Variants in ITGA11 observed in about 807,000 individuals in gnomAD.
ITGA11 encodes the protein integrin subunit alpha 11.
A neutral mutation model predicts 141.9 loss-of-function variants in ITGA11; 97 were observed. The ratio of observed to expected loss-of-function variants is 0.68; its 90% CI spans 0.58 to 0.81. The LOEUF is 0.81. Ranked by LOEUF, ITGA11 falls within the 30% of genes least tolerant of loss-of-function variation. The pLI is 0.00. For missense variants in ITGA11, 1,387 were observed against 1,559.2 expected (o/e 0.89, Z 1.86); for synonymous variants, 658 against 624.6 (o/e 1.05, Z -0.80).
chr15:68,335,583 T>C lies in ITGA11; in HGVS notation c.1425+114A>G. On this transcript the variant is annotated intron_variant, in intron 12 of 29. Coordinates refer to ENST00000315757, the MANE Select transcript of ITGA11 (RefSeq NM_001004439.2). This position sits in a 1 kb window ranked among gnomAD's most constrained non-coding sequence, Gnocchi z 4.9. ...CAGCATGAAGGTGGCTGGAGGAACATGACTGCCCTTTGGGGCACCCAGTGG... is the reference window on the plus strand; with the variant it reads ...CAGCATGAAGGTGGCTGGAGGAACACGACTGCCCTTTGGGGCACCCAGTGG... 1 of 1,231,104 alleles carries C rather than the reference T, an allele frequency of 8.1e-7. No homozygotes were observed. Among genetic ancestry groups the C allele is most frequent in the Non-Finnish European group, 1.1e-6 (1 of 871,684 alleles). The allele number at this position is 1,231,104 out of a possible 1,614,324, so 76.3% of individuals were successfully genotyped here.
chr15:68,386,936 C>T (rs1895998918), intron 2 of ITGA11, among the ~76,000 whole-genome samples: 1 of 150,370 alleles, frequency 6.7e-6, no homozygotes. Context: ...AGCCTCCCTT[C>T]GCCTTGGCCG....
At chr15:68,327,767 G>A (rs1409609684) in intron 16 of ITGA11, among the ~76,000 whole-genome samples, 1 of 57,008 alleles carries the variant, frequency 1.8e-5, no homozygotes, top group Admixed American at 2.2e-4. Context: ...TCTGCATCCA[G>A]GCAGACTTCT....
In ITGA11 at chr15:68,335,867, T is replaced by A. The variant is rs765695418; in HGVS notation, c.1277-22A>T. On this transcript the variant is annotated intron_variant, in intron 11 of 29. Coordinates refer to ENST00000315757, the MANE Select transcript of ITGA11 (RefSeq NM_001004439.2). This position sits in a 1 kb window ranked among gnomAD's most constrained non-coding sequence, Gnocchi z 4.9. ...TACCCTGCCACAGGAGGAAACAGGC[T>A]GATCTTTGGCACCGTGTCCTCAGCA... is the stretch of plus-strand genomic sequence containing the variant. 5.0e-6 allele frequency: 8 copies of A among 1,608,642 alleles called. No individual in the cohort carries two copies. The Middle Eastern group carries it at 4.9e-4, about 99-fold the overall frequency.
At chr15:68,404,048 A>G (rs1595893669) in intron 1 of ITGA11, among the ~76,000 whole-genome samples, 1 of 151,964 alleles carries the variant, frequency 6.6e-6, no homozygotes, top group Admixed American at 6.5e-5. Context: ...CTCCTTCTCC[A>G]TCACTCCTTC....
At chr15:68,346,267 C>T (rs1311304767) in intron 10 of ITGA11, among the ~76,000 whole-genome samples, 1 of 152,182 alleles carries the variant, frequency 6.6e-6, no homozygotes, top group African/African-American at 2.4e-5. Context: ...TCCTGGGTCT[C>T]CTCACTCTGG....
At chr15:68,368,827 A>G (rs1407460051) in intron 3 of ITGA11, among the ~76,000 whole-genome samples, 1 of 147,132 alleles carries the variant, frequency 6.8e-6, no homozygotes, top group African/African-American at 2.5e-5. Context: ...TATTGTTGTT[A>G]TTATTTCAAA....
At chr15:68,406,667 G>T (rs186424671) in intron 1 of ITGA11, among the ~76,000 whole-genome samples, 31 of 152,232 alleles carry the variant, frequency 2.0e-4, no homozygotes, top group Non-Finnish European at 4.3e-4. Context: ...AGTGCCACGG[G>T]ACTCTGCTGT....
intron 1 of ITGA11, among the ~76,000 whole-genome samples, chr15:68,429,462 CT>C (rs754945006): frequency 2.0e-5 from 3 of 151,700 alleles, no homozygotes; most frequent in South Asian, 4.2e-4. Flanking sequence ...GACTTGATTA[CT>C]TTTTTTTTAG....
At chr15:68,358,406 A>G in intron 6 of ITGA11, 52 bp downstream of exon 6, 2 of 1,545,498 alleles carry the variant, frequency 1.3e-6, no homozygotes, top group East Asian at 2.3e-5. Context: ...AGCACCTGCC[A>G]TGGGTTTGGG....
Position 68,303,077 on chromosome 15 carries a change from G to A in ITGA11, c.3549C>T (p.Thr1183=), listed in dbSNP as rs1382451039. ...TGGAGCCTCACTCCAGCACTTTGGG[G>A]GTGGGGTCCAGACCAGGCTCCCTCC... ...RRRREPGLDP[T]PKVLE The change falls in exon 30 of 30, where the codon ACC becomes ACT. Residue 1183 remains threonine (T), a synonymous_variant. Coordinates refer to ENST00000315757, the MANE Select transcript of ITGA11 (RefSeq NM_001004439.2). This position sits in a 1 kb window ranked among gnomAD's most constrained non-coding sequence, Gnocchi z 5.3. The A allele has an allele frequency of 6.5e-7, 1 of 1,550,166 alleles. No individual in the cohort carries two copies. The highest frequency in any genetic ancestry group is 2.0e-5 in the Admixed American group (1 of 50,974).
intron 1 of ITGA11, among the ~76,000 whole-genome samples, chr15:68,406,038 A>G (rs1469646005): frequency 6.6e-6 from 1 of 152,094 alleles, no homozygotes; most frequent in Non-Finnish European, 1.5e-5. Flanking sequence ...CCAGCAGGAA[A>G]AGGAAAGTAT....
Position 68,335,603 on chromosome 15 carries a change from C to G in ITGA11, c.1425+94G>C, listed in dbSNP as rs1462434671. 1.4e-6 allele frequency: 2 copies of G among 1,413,106 alleles called. No individual in the cohort carries two copies. Among genetic ancestry groups the G allele is most frequent in the African/African-American group, 1.4e-5 (1 of 70,628 alleles). The allele number at this position is 1,413,106 out of a possible 1,614,324, so 87.5% of individuals were successfully genotyped here. A position where few individuals can be genotyped will look rare whatever the true frequency, so the allele number is the denominator to read the frequency against. On this transcript the variant is annotated intron_variant, in intron 12 of 29. Coordinates refer to ENST00000315757, the MANE Select transcript of ITGA11 (RefSeq NM_001004439.2). The surrounding 1 kb of genome is among the most constrained non-coding windows in gnomAD (Gnocchi z 4.9). ...GAACATGACTGCCCTTTGGGGCACC[C>G]AGTGGTCCAGGCATGCCTGTATTTA...
At chr15:68,320,118 G>T in intron 20 of ITGA11, 67 bp downstream of exon 20, 2 of 1,379,296 alleles carry the variant, frequency 1.5e-6, no homozygotes, top group Non-Finnish European at 2.1e-6. Flanking sequence ...GTAGCCAGGA[G>T]CCCACCTGGC....
rs952325881 is a variant in ITGA11, at chr15:68,304,192, T to C, written c.3382-307A>G. On this transcript the variant is annotated intron_variant, in intron 28 of 29. Transcript: ENST00000315757. The surrounding 1 kb of genome is among the most constrained non-coding windows in gnomAD (Gnocchi z 6.1). Reference sequence around the variant, plus strand: ...ACCACATGGGCTACTCCTTCTCCCTTTGCTGCCTCCGCATCGCCTCCCGCA... The same window carrying C: ...ACCACATGGGCTACTCCTTCTCCCTCTGCTGCCTCCGCATCGCCTCCCGCA... Among the ~76,000 whole-genome samples the C allele has an allele frequency of 1.3e-5, 2 of 152,176 alleles. No individual in the cohort carries two copies. The highest frequency in any genetic ancestry group is 2.9e-5 in the Non-Finnish European group (2 of 68,020).
At chr15:68,365,395 G>A (rs1595879645) in intron 3 of ITGA11, 4 of 948,384 alleles carry the variant, frequency 4.2e-6, no homozygotes, top group Non-Finnish European at 3.8e-6. Context: ...GTGCTTAGGA[G>A]CTGGGTTATC....
intron 18 of ITGA11, among the ~76,000 whole-genome samples, chr15:68,323,320 A>C (rs1455618969): frequency 1.3e-5 from 2 of 152,216 alleles, no homozygotes; most frequent in African/African-American, 4.8e-5. Context: ...AGTCTCAAAG[A>C]AAAAACAGCC....
At chr15:68,370,833 ATGCCAGCGGAGT>A (rs1044842558) in intron 2 of ITGA11, among the ~76,000 whole-genome samples, 1 of 152,180 alleles carries the variant, frequency 6.6e-6, no homozygotes, top group Non-Finnish European at 1.5e-5. Flanking sequence ...AAGCCACCAC[ATGCCAGCGGAGT>A]TAGATGGTTG....
rs1893116298 is a variant in ITGA11, at chr15:68,304,116, CACTT to C, written c.3382-235_3382-232del. Among the ~76,000 whole-genome samples the C allele has an allele frequency of 6.6e-6, 1 of 152,144 alleles. No individual in the cohort carries two copies. The highest frequency in any genetic ancestry group is 1.5e-5 in the Non-Finnish European group (1 of 68,008). On this transcript the variant is annotated intron_variant, in intron 28 of 29. Transcript: ENST00000315757. The surrounding 1 kb of genome is among the most constrained non-coding windows in gnomAD (Gnocchi z 6.1). Reference sequence around the variant, plus strand: ...CCCAAGTGATCCTGCCTCCTTGAGACACTTGCTGCCTTTGGCCTCAGGCCCCCGC... The same window carrying C: ...CCCAAGTGATCCTGCCTCCTTGAGACGCTGCCTTTGGCCTCAGGCCCCCGC...
At position 68,331,049 on chromosome 15, in the gene ITGA11, T is replaced by A. The variant is rs762085763; in HGVS notation, c.1833A>T (p.Gln611His). 53 of 1,612,564 alleles carry A rather than the reference T, an allele frequency of 3.3e-5. No individual in the cohort carries two copies. Among genetic ancestry groups the A allele is most frequent in the Admixed American group, 1.0e-4 (6 of 59,822 alleles). Residue 611 changes from glutamine (Q) to histidine (H), a missense_variant, in exon 15 of 30, where the codon CAA becomes CAT. Gln to His is a conservative substitution (Grantham distance 24). Transcript: ENST00000315757. ...TGAGCCCATCCTCATTGAGGTCCAA[T>A]TGCCCGTGGATGCTGCAGCCAAAAT... Reference protein sequence around the residue: ...LQYFGCSIHGQLDLNEDGLID... With the variant: ...LQYFGCSIHGHLDLNEDGLID...
Sources: allele counts gnomAD v4.1 joint callset (sites outside exome capture counted in the v4.1 genomes callset), GRCh38; gene constraint gnomAD v4.1.1; non-coding constraint Gnocchi (gnomAD v3.1); transcripts MANE v1.5; gene names NCBI Gene and HGNC (gene_info 2026-07-23, HGNC 2026-07-21).